The following XXYLT1 variants were observed in gnomAD, a reference collection of about 807,000 sequenced individuals.
XXYLT1 encodes UDP-xylose:alpha-xyloside alpha-1,3-xylosyltransferase.
XXYLT1 carries 20 observed loss-of-function variants against 28.9 expected under a neutral mutation model. That is an observed-to-expected ratio of 0.69 (90% CI 0.49 to 1.00). The LOEUF is 1.00. Among genes scored for constraint, XXYLT1 ranks in the 50% least tolerant of loss-of-function variants. The pLI is 0.00. For missense variants in XXYLT1, 542 were observed against 560.1 expected (o/e 0.97, Z 0.33); for synonymous variants, 257 against 253.8 (o/e 1.01, Z -0.12).
At chr3:195,202,037 T>A (rs866425441) in intron 2 of XXYLT1, among the ~76,000 whole-genome samples, 2 of 151,922 alleles carry the variant, frequency 1.3e-5, no homozygotes, top group South Asian at 2.1e-4. Flanking sequence ...ATTAGCCAGG[T>A]GTGGTGGTGT....
At chr3:195,122,774 C>T (rs1442018577) in intron 3 of XXYLT1, among the ~76,000 whole-genome samples, 3 of 152,230 alleles carry the variant, frequency 2.0e-5, no homozygotes, top group Non-Finnish European at 4.4e-5. Context: ...ACAGCGGGGG[C>T]GACACGCTCC....
At position 195,176,009 on chromosome 3, in the gene XXYLT1, A is replaced by C. The variant is rs550810377; in HGVS notation, c.653-19428T>G. Among the ~76,000 whole-genome samples the C allele has an allele frequency of 1.3e-5, 2 of 152,374 alleles. No homozygotes were observed. Among genetic ancestry groups the C allele is most frequent in the South Asian group, 4.1e-4 (2 of 4,830 alleles). On this transcript the variant is annotated intron_variant, in intron 2 of 3. Coordinates refer to ENST00000310380, the MANE Select transcript of XXYLT1 (RefSeq NM_152531.5). The surrounding 1 kb of genome is among the most constrained non-coding windows in gnomAD (Gnocchi z 4.9). Reference sequence around the variant, plus strand: ...TCATCAGTGTATACGTAGCAGCTTAAGTCAAGTAGACACAATCTTTTTTCT... The same window carrying C: ...TCATCAGTGTATACGTAGCAGCTTACGTCAAGTAGACACAATCTTTTTTCT...
At chr3:195,141,756 A>G (rs143159397) in intron 3 of XXYLT1, among the ~76,000 whole-genome samples, 1 of 152,272 alleles carries the variant, frequency 6.6e-6, no homozygotes, top group African/African-American at 2.4e-5. Flanking sequence ...TGTGTGGGTC[A>G]TCTCTCCCAA....
intron 1 of XXYLT1, among the ~76,000 whole-genome samples, chr3:195,246,165 AC>A (rs1016712534): frequency 6.6e-6 from 1 of 152,012 alleles, no homozygotes; most frequent in African/African-American, 2.4e-5. Context: ...GCTAAAATAA[AC>A]CCCTTCTCTC....
At chr3:195,207,617 C>A in intron 2 of XXYLT1, 1 of 329,040 alleles carries the variant, frequency 3.0e-6, no homozygotes, top group South Asian at 2.4e-5. Context: ...CTGAGATCCC[C>A]TTGTATCAGT....
chr3:195,143,682 C>G (rs568205345), intron 3 of XXYLT1, among the ~76,000 whole-genome samples: 94 of 150,734 alleles, frequency 6.2e-4, no homozygotes, highest in African/African-American at 2.2e-3. Flanking sequence ...GCTGTACCCT[C>G]AGTTTCTGAA....
At chr3:195,193,198 G>A (rs958541194) in intron 2 of XXYLT1, among the ~76,000 whole-genome samples, 2 of 151,146 alleles carry the variant, frequency 1.3e-5, no homozygotes, top group Admixed American at 1.3e-4. Context: ...TGAGGCAAGA[G>A]AATCGCTTGA....
intron 2 of XXYLT1, among the ~76,000 whole-genome samples, chr3:195,188,621 C>G (rs558934490): frequency 6.6e-6 from 1 of 152,170 alleles, no homozygotes; most frequent in Non-Finnish European, 1.5e-5. Flanking sequence ...GGTGCACTCT[C>G]GAATTGTCTC....
At chr3:195,270,460 C>T in intron 1 of XXYLT1, 95 bp downstream of exon 1, 3 of 1,342,426 alleles carry the variant, frequency 2.2e-6, no homozygotes, top group Non-Finnish European at 2.9e-6. Context: ...AGATCCTACC[C>T]GCTAGTTCCC....
At chr3:195,105,585 G>A (rs1162997256) in intron 3 of XXYLT1, among the ~76,000 whole-genome samples, 1 of 152,222 alleles carries the variant, frequency 6.6e-6, no homozygotes, top group African/African-American at 2.4e-5. Flanking sequence ...TCAGATGGTG[G>A]AGAAAATGAC....
chr3:195,083,886 C>T (rs12631520), intron 3 of XXYLT1, among the ~76,000 whole-genome samples: 7,580 of 152,114 alleles, frequency 0.05, 270 homozygotes, highest in East Asian at 0.13. Context: ...ATCATCCAGG[C>T]GCGGTGGCAG....
intron 1 of XXYLT1, among the ~76,000 whole-genome samples, chr3:195,229,292 G>C (rs781639206): frequency 1.3e-5 from 2 of 151,702 alleles, no homozygotes; most frequent in Non-Finnish European, 2.9e-5. Context: ...TATATTTATG[G>C]AGTATATGAG....
At chr3:195,259,623 G>A (rs928722867) in intron 1 of XXYLT1, 6 of 985,366 alleles carry the variant, frequency 6.1e-6, no homozygotes, top group Non-Finnish European at 7.2e-6. Context: ...AGTCGCGTGC[G>A]ACAGGCCTGT....
At chr3:195,096,204 G>C (rs1278465317) in intron 3 of XXYLT1, 1 of 152,228 alleles carries the variant, frequency 6.6e-6, no homozygotes, top group African/African-American at 2.4e-5. Context: ...CTTTTATAGA[G>C]TACCTGCTAA....
At chr3:195,222,580 T>G (rs1247993982) in intron 2 of XXYLT1, among the ~76,000 whole-genome samples, 1 of 152,124 alleles carries the variant, frequency 6.6e-6, no homozygotes, top group Admixed American at 6.5e-5. Flanking sequence ...ATAATCTGTA[T>G]GCATGTGGAT....
intron 3 of XXYLT1, among the ~76,000 whole-genome samples, chr3:195,111,594 G>A (rs112197806): frequency 2.1e-3 from 317 of 152,228 alleles, no homozygotes; most frequent in Non-Finnish European, 3.5e-3. Flanking sequence ...CACTGTGAAC[G>A]TCTGTAAGCA....
At chr3:195,250,850 C>A (rs921379642) in intron 1 of XXYLT1, among the ~76,000 whole-genome samples, 1 of 152,182 alleles carries the variant, frequency 6.6e-6, no homozygotes, top group Non-Finnish European at 1.5e-5. Context: ...TTGATACACC[C>A]AAGTTCCCAG....
chr3:195,163,957 C>A (rs1365664440), intron 2 of XXYLT1, among the ~76,000 whole-genome samples: 2 of 152,256 alleles, frequency 1.3e-5, no homozygotes, highest in African/African-American at 4.8e-5. Flanking sequence ...AGCATCCTTC[C>A]TGGAAGTCTT....
intron 3 of XXYLT1, among the ~76,000 whole-genome samples, chr3:195,111,946 C>T (rs1300375301): frequency 2.6e-5 from 4 of 152,184 alleles, no homozygotes; most frequent in African/African-American, 9.7e-5. Flanking sequence ...CGTGCCTGCT[C>T]TACATGCAAA....
Sources: allele counts gnomAD v4.1 joint callset (sites outside exome capture counted in the v4.1 genomes callset), GRCh38; gene constraint gnomAD v4.1.1; non-coding constraint Gnocchi (gnomAD v3.1); transcripts MANE v1.5; gene names NCBI Gene and HGNC (gene_info 2026-07-23, HGNC 2026-07-21).